Variants in MBD3L2B observed in about 807,000 individuals in gnomAD.
MBD3L2B encodes methyl-CpG binding domain protein 3 like 2B, also known as methyl-CpG-binding domain protein 3-like 2B.
For missense variants in MBD3L2B, 127 were observed against 78.7 expected (o/e 1.61, Z -2.32); for synonymous variants, 50 against 31.6 (o/e 1.58, Z -1.95).
Position 7,019,624 on chromosome 19 carries a change from C to G in MBD3L2B, c.152G>C (p.Arg51Thr), listed in dbSNP as rs1271611548. The G allele has an allele frequency of 1.1e-4, 44 of 404,112 alleles. No homozygotes were observed. The highest frequency in any genetic ancestry group is 6.7e-4 in the East Asian group (18 of 26,872). 25.0% of individuals were successfully genotyped at this position (404,112 alleles called of 1,614,324 possible). A position where few individuals can be genotyped will look rare whatever the true frequency, so the allele number is the denominator to read the frequency against. ...RRAARSALPM[R>T]LTSCIFRRPV... Reference sequence around the variant, plus strand: ...CCTCCGGAAGATGCAGCTGGTGAGTCTCATGGGGAGAGCAGACCTCGCAGC... The same window carrying G: ...CCTCCGGAAGATGCAGCTGGTGAGTGTCATGGGGAGAGCAGACCTCGCAGC... The change falls in exon 2 of 2, where the codon AGA becomes ACA. Residue 51 changes from arginine (R) to threonine (T), a missense_variant. By Grantham distance (71) the Arg-to-Thr change is moderately conservative. Coordinates refer to ENST00000636986, the MANE Select transcript of MBD3L2B (RefSeq NM_001364674.2).
rs1398318030 is a variant in MBD3L2B at position 7,019,182 on chromosome 19, C to T, written c.594G>A (p.Leu198=). 2 of 718,996 alleles carry T rather than the reference C, an allele frequency of 2.8e-6. No homozygotes were observed. Among genetic ancestry groups the T allele is most frequent in the Non-Finnish European group, 5.2e-6 (2 of 385,422 alleles). 44.5% of individuals were successfully genotyped at this position (718,996 alleles called of 1,614,324 possible). ...CCTGTCACATTTCTGCCCGCCTGGC[C>T]AGCCTGTCTGCCTGCAAGGCCTTGG... ...RLAKALQADR[L]ARRAEM Residue 198 remains leucine, a synonymous_variant, in exon 2 of 2, where the codon CTG becomes CTA. Coordinates refer to ENST00000636986, the MANE Select transcript of MBD3L2B (RefSeq NM_001364674.2).
chr19:7,019,227 C>T lies in MBD3L2B; in HGVS notation c.549G>A (p.Lys183=), dbSNP rs1269439404. 9.8e-6 allele frequency: 7 copies of T among 717,816 alleles called. No individual in the cohort carries two copies. In the African/African-American group the frequency reaches 1.2e-4, roughly 13 times the overall value. 44.5% of individuals were successfully genotyped at this position (717,816 alleles called of 1,614,324 possible). The change falls in exon 2 of 2, where the codon AAG becomes AAA. Residue 183 remains lysine, a synonymous_variant. Coordinates refer to ENST00000636986, the MANE Select transcript of MBD3L2B (RefSeq NM_001364674.2). ...CCTTGGCCAGTCTCTCCCTGGCTTTCTTCACCCTCCTGGCCTGTCTCCGGA... is the reference window on the plus strand; with the variant it reads ...CCTTGGCCAGTCTCTCCCTGGCTTTTTTCACCCTCCTGGCCTGTCTCCGGA... ...ADIRRQARRV[K]KARERLAKAL... is the part of the protein sequence containing the mutation.
rs759263603 is a variant in MBD3L2B at position 7,019,147 on chromosome 19, A to C, written c.*14T>G. On this transcript the variant is annotated 3_prime_UTR_variant, in exon 2 of 2. Coordinates refer to ENST00000636986, the MANE Select transcript of MBD3L2B (RefSeq NM_001364674.2). ...GCTTCTCAGCACCCCCTCCTCCTGC[A>C]CTTCATCCACCTGTCACATTTCTGC... is the stretch of plus-strand genomic sequence containing the variant. 1.4e-6 allele frequency: 1 copy of C among 718,422 alleles called. No individual in the cohort carries two copies. Among genetic ancestry groups the C allele is most frequent in the South Asian group, 1.5e-5 (1 of 67,610 alleles). The allele number at this position is 718,422 out of a possible 1,614,324, so 44.5% of individuals were successfully genotyped here.
At chr19:7,020,562 A>AACCTCATCAGTGC (rs1976776422) in intron 1 of MBD3L2B, among the ~76,000 whole-genome samples, 1 of 34,440 alleles carries the variant, frequency 2.9e-5, no homozygotes, top group Non-Finnish European at 5.9e-5. Context: ...TTCAGATACA[A>AACCTCATCAGTGC]ACATAAAGCC....
Position 7,019,147 on chromosome 19 carries a change from A to T in MBD3L2B, c.*14T>A, listed in dbSNP as rs759263603. On this transcript the variant is annotated 3_prime_UTR_variant, in exon 2 of 2. Transcript: ENST00000636986. ...GCTTCTCAGCACCCCCTCCTCCTGC[A>T]CTTCATCCACCTGTCACATTTCTGC... 1.3e-5 allele frequency: 9 copies of T among 718,422 alleles called. No individual in the cohort carries two copies. Among genetic ancestry groups the T allele is most frequent in the Non-Finnish European group, 2.3e-5 (9 of 385,146 alleles). 44.5% of individuals were successfully genotyped at this position (718,422 alleles called of 1,614,324 possible).
At position 7,019,468 on chromosome 19, in the gene MBD3L2B, C is replaced by G. The variant is rs1976769077; in HGVS notation, c.308G>C (p.Gly103Ala). 6 of 521,066 alleles carry G rather than the reference C, an allele frequency of 1.2e-5. No individual in the cohort carries two copies. The East Asian group carries it at 1.8e-4, about 16-fold the overall frequency. The allele number at this position is 521,066 out of a possible 1,614,324, so 32.3% of individuals were successfully genotyped here. ...CAAATGCAGTGGACTTGAACCTTCT[C>G]CTTGGCTGCTGCAGGGCTGCAGGGC... is the stretch of plus-strand genomic sequence containing the variant. ...LQALQPCSSQ[G>A]EGSSPLHLES... The change falls in exon 2 of 2, where the codon GGA (glycine) becomes GCA (alanine). Residue 103 changes from glycine (G) to alanine (A), a missense_variant. Coordinates refer to ENST00000636986, the MANE Select transcript of MBD3L2B (RefSeq NM_001364674.2).
Position 7,019,450 on chromosome 19 carries a change from A to C in MBD3L2B, c.326T>G (p.Leu109Arg), listed in dbSNP as rs1250209515. Residue 109 changes from leucine (L) to arginine (R), a missense_variant, in exon 2 of 2, where the codon CTG becomes CGG. Coordinates refer to ENST00000636986, the MANE Select transcript of MBD3L2B (RefSeq NM_001364674.2). ...CSSQGEGSSP[L>R]HLESVLSILA... ...GATACTTAAGACGCTCTCCAAATGC[A>C]GTGGACTTGAACCTTCTCCTTGGCT... The C allele has an allele frequency of 1.8e-6, 1 of 549,878 alleles. No individual in the cohort carries two copies. The highest frequency in any genetic ancestry group is 2.9e-5 in the East Asian group (1 of 34,158). The allele number at this position is 549,878 out of a possible 1,614,324, so 34.1% of individuals were successfully genotyped here. A position where few individuals can be genotyped will look rare whatever the true frequency, so the allele number is the denominator to read the frequency against.
rs1976760365 is a variant in MBD3L2B at position 7,019,095 on chromosome 19, C to A, written c.*66G>T. 5.7e-6 allele frequency: 4 copies of A among 703,390 alleles called. No homozygotes were observed. The highest frequency in any genetic ancestry group is 8.0e-6 in the Non-Finnish European group (3 of 375,664). 43.6% of individuals were successfully genotyped at this position (703,390 alleles called of 1,614,324 possible). A position where few individuals can be genotyped will look rare whatever the true frequency, so the allele number is the denominator to read the frequency against. ...CCCAGGACTGTCCCCACTGACTCAC[C>A]CCCCAACTGCGGGGCCACACCCCAC... On this transcript the variant is annotated 3_prime_UTR_variant, in exon 2 of 2. Coordinates refer to ENST00000636986, the MANE Select transcript of MBD3L2B (RefSeq NM_001364674.2).
Position 7,019,536 on chromosome 19 carries a change from G to C in MBD3L2B, c.240C>G (p.His80Gln). The C allele has an allele frequency of 2.2e-6, 1 of 457,700 alleles. No individual in the cohort carries two copies. The highest frequency in any genetic ancestry group is 3.7e-6 in the Non-Finnish European group (1 of 273,272). 28.4% of individuals were successfully genotyped at this position (457,700 alleles called of 1,614,324 possible). A position where few individuals can be genotyped will look rare whatever the true frequency, so the allele number is the denominator to read the frequency against. Reference protein sequence around the residue: ...NQVRRRKGDEHLEKPQQLCAY... With the variant: ...NQVRRRKGDEQLEKPQQLCAY... ...CGCAGAGTTGCTGCGGCTTCTCCAG[G>C]TGCTCGTCCCCTTTTCTGCGTCTGA... The change falls in exon 2 of 2, where the codon CAC becomes CAG. Residue 80 changes from histidine (H) to glutamine (Q), a missense_variant. By Grantham distance (24) the His-to-Gln change is conservative. Transcript: ENST00000636986.
At chr19:7,019,759 T>A in intron 1 of MBD3L2B, 29 bp from the exon 2 acceptor site, 1 of 154,732 alleles carries the variant, frequency 6.5e-6, no homozygotes, top group South Asian at 4.3e-5. Context: ...ATGTGAAATT[T>A]CAACCAAATG....
At position 7,019,177 on chromosome 19, in the gene MBD3L2B, C is replaced by G; in HGVS notation, c.599G>C (p.Arg200Thr). The change falls in exon 2 of 2, where the codon AGG becomes ACG. Residue 200 changes from arginine to threonine, a missense_variant. Coordinates refer to ENST00000636986, the MANE Select transcript of MBD3L2B (RefSeq NM_001364674.2). ...ATCCACCTGTCACATTTCTGCCCGC[C>G]TGGCCAGCCTGTCTGCCTGCAAGGC... is the stretch of plus-strand genomic sequence containing the variant. The part of the protein sequence containing the change: ...AKALQADRLA[R>T]RAEM 1.4e-6 allele frequency: 1 copy of G among 719,080 alleles called. No homozygotes were observed. Among genetic ancestry groups the G allele is most frequent in the East Asian group, 2.7e-5 (1 of 37,300 alleles). The allele number at this position is 719,080 out of a possible 1,614,324, so 44.5% of individuals were successfully genotyped here.
rs578045837 is a variant in MBD3L2B at position 7,019,228 on chromosome 19, T to C, written c.548A>G (p.Lys183Arg). The change falls in exon 2 of 2, where the codon AAG becomes AGG. Residue 183 changes from lysine to arginine, a missense_variant. Physicochemically the swap from Lys to Arg is conservative, Grantham distance 26. Transcript: ENST00000636986. ...CTTGGCCAGTCTCTCCCTGGCTTTC[T>C]TCACCCTCCTGGCCTGTCTCCGGAT... ...ADIRRQARRV[K>R]KARERLAKAL... is the part of the protein sequence containing the mutation. 1.4e-6 allele frequency: 1 copy of C among 717,788 alleles called. No individual in the cohort carries two copies. The highest frequency in any genetic ancestry group is 1.7e-5 in the African/African-American group (1 of 57,180). 44.5% of individuals were successfully genotyped at this position (717,788 alleles called of 1,614,324 possible).
At position 7,019,304 on chromosome 19, in the gene MBD3L2B, C is replaced by G; in HGVS notation, c.472G>C (p.Gly158Arg). Residue 158 changes from glycine to arginine, a missense_variant, in exon 2 of 2, where the codon GGT becomes CGT. By Grantham distance (125) the Gly-to-Arg change is moderately radical (BLOSUM62 -2). Coordinates refer to ENST00000636986, the MANE Select transcript of MBD3L2B (RefSeq NM_001364674.2). The part of the protein sequence containing the change: ...AVAGGPTPGM[G>R]CQLPPPLSGQ... ...GAGAGGGGCGGTGGGAGCTGACAAC[C>G]CATTCCTGGGGTTGGCCCCCCTGCC... The G allele has an allele frequency of 1.4e-6, 1 of 696,672 alleles. No homozygotes were observed. The highest frequency in any genetic ancestry group is 2.0e-5 in the Admixed American group (1 of 48,946). 43.2% of individuals were successfully genotyped at this position (696,672 alleles called of 1,614,324 possible). A position where few individuals can be genotyped will look rare whatever the true frequency, so the allele number is the denominator to read the frequency against.
In MBD3L2B at chr19:7,019,660, T is replaced by C; in HGVS notation, c.116A>G (p.His39Arg). 5.7e-6 allele frequency: 2 copies of C among 351,264 alleles called. No homozygotes were observed. Among genetic ancestry groups the C allele is most frequent in the Non-Finnish European group, 9.6e-6 (2 of 207,630 alleles). 21.8% of individuals were successfully genotyped at this position (351,264 alleles called of 1,614,324 possible). A position where few individuals can be genotyped will look rare whatever the true frequency, so the allele number is the denominator to read the frequency against. The stretch of plus-strand genomic sequence containing the variant: ...AGCAGACCTCGCAGCTCGTCTCCGA[T>C]GGGCCTTGGCCATGTGGATTTCTCG... The part of the protein sequence containing the change: ...KKREIHMAKA[H>R]RRRAARSALP... Residue 39 changes from histidine (H) to arginine (R), a missense_variant, in exon 2 of 2, where the codon CAT becomes CGT. Coordinates refer to ENST00000636986, the MANE Select transcript of MBD3L2B (RefSeq NM_001364674.2).
chr19:7,019,079 G>C lies in MBD3L2B; in HGVS notation c.*82C>G, dbSNP rs149626120. 170 of 715,954 alleles carry C rather than the reference G, an allele frequency of 2.4e-4. No homozygotes were observed. Among genetic ancestry groups the C allele is most frequent in the Non-Finnish European group, 3.3e-4 (128 of 384,468 alleles). 44.4% of individuals were successfully genotyped at this position (715,954 alleles called of 1,614,324 possible). A position where few individuals can be genotyped will look rare whatever the true frequency, so the allele number is the denominator to read the frequency against. On this transcript the variant is annotated 3_prime_UTR_variant, in exon 2 of 2. Transcript: ENST00000636986. Reference sequence around the variant, plus strand: ...AGATAGGGATTCAAAACCCAGGACTGTCCCCACTGACTCACCCCCCAACTG... The same window carrying C: ...AGATAGGGATTCAAAACCCAGGACTCTCCCCACTGACTCACCCCCCAACTG...
rs1976759590 is a variant in MBD3L2B at position 7,019,076 on chromosome 19, A to G, written c.*85T>C. 1.4e-6 allele frequency: 1 copy of G among 715,524 alleles called. No homozygotes were observed. Among genetic ancestry groups the G allele is most frequent in the Non-Finnish European group, 2.6e-6 (1 of 384,356 alleles). The allele number at this position is 715,524 out of a possible 1,614,324, so 44.3% of individuals were successfully genotyped here. ...AAAAGATAGGGATTCAAAACCCAGG[A>G]CTGTCCCCACTGACTCACCCCCCAA... On this transcript the variant is annotated 3_prime_UTR_variant, in exon 2 of 2. Coordinates refer to ENST00000636986, the MANE Select transcript of MBD3L2B (RefSeq NM_001364674.2).
At position 7,019,116 on chromosome 19, in the gene MBD3L2B, C is replaced by A. The variant is rs985438743; in HGVS notation, c.*45G>T. 1 of 718,304 alleles carries A rather than the reference C, an allele frequency of 1.4e-6. No homozygotes were observed. 44.5% of individuals were successfully genotyped at this position (718,304 alleles called of 1,614,324 possible). A position where few individuals can be genotyped will look rare whatever the true frequency, so the allele number is the denominator to read the frequency against. On this transcript the variant is annotated 3_prime_UTR_variant, in exon 2 of 2. Coordinates refer to ENST00000636986, the MANE Select transcript of MBD3L2B (RefSeq NM_001364674.2). ...TCACCCCCCAACTGCGGGGCCACAC[C>A]CCACAGCTTCTCAGCACCCCCTCCT...
In MBD3L2B at chr19:7,019,217, C is replaced by T; in HGVS notation, c.559G>A (p.Glu187Lys). Residue 187 changes from glutamate to lysine, a missense_variant, in exon 2 of 2, where the codon GAG (glutamate) becomes AAG (lysine). Transcript: ENST00000636986. ...GCCTGCAAGGCCTTGGCCAGTCTCT[C>T]CCTGGCTTTCTTCACCCTCCTGGCC... The part of the protein sequence containing the change: ...RQARRVKKAR[E>K]RLAKALQADR... The T allele has an allele frequency of 2.8e-6, 2 of 718,148 alleles. No homozygotes were observed. Among genetic ancestry groups the T allele is most frequent in the Admixed American group, 4.0e-5 (2 of 49,986 alleles). The allele number at this position is 718,148 out of a possible 1,614,324, so 44.5% of individuals were successfully genotyped here. A position where few individuals can be genotyped will look rare whatever the true frequency, so the allele number is the denominator to read the frequency against.
Position 7,019,119 on chromosome 19 carries a change from A to C in MBD3L2B, c.*42T>G. On this transcript the variant is annotated 3_prime_UTR_variant, in exon 2 of 2. Coordinates refer to ENST00000636986, the MANE Select transcript of MBD3L2B (RefSeq NM_001364674.2). ...CCCCCCAACTGCGGGGCCACACCCCACAGCTTCTCAGCACCCCCTCCTCCT... is the reference window on the plus strand; with the variant it reads ...CCCCCCAACTGCGGGGCCACACCCCCCAGCTTCTCAGCACCCCCTCCTCCT... 1 of 718,314 alleles carries C rather than the reference A, an allele frequency of 1.4e-6. No homozygotes were observed. The highest frequency in any genetic ancestry group is 2.6e-6 in the Non-Finnish European group (1 of 385,074). 44.5% of individuals were successfully genotyped at this position (718,314 alleles called of 1,614,324 possible). A position where few individuals can be genotyped will look rare whatever the true frequency, so the allele number is the denominator to read the frequency against.
Sources: allele counts gnomAD v4.1 joint callset (sites outside exome capture counted in the v4.1 genomes callset), GRCh38; gene constraint gnomAD v4.1.1; transcripts MANE v1.5; gene names NCBI Gene and HGNC (gene_info 2026-07-23, HGNC 2026-07-21).